LRP1B: variants seen among roughly 807,000 people sequenced by gnomAD.
The protein encoded by LRP1B is LDL receptor related protein 1B.
In LRP1B, 217 loss-of-function variants were observed where a neutral mutation model predicts 556.6. The observed-to-expected ratio is 0.39, with a 90% CI of 0.35 to 0.44. LRP1B has a LOEUF of 0.44. LRP1B is among the 20% of genes least tolerant of loss of function. The pLI is 1.00. For synonymous variants in LRP1B, 2,047 were observed against 1,865.8 expected (o/e 1.10, Z -2.50); for missense variants, 5,053 against 5,620.8 (o/e 0.90, Z 3.23).
intron 2 of LRP1B, among the ~76,000 whole-genome samples, chr2:141,685,112 T>A (rs1192699998): frequency 6.6e-6 from 1 of 152,050 alleles, no homozygotes; most frequent in East Asian, 1.9e-4. Context: ...TTTCCTTTTG[T>A]TTTCTTCCTC....
At chr2:140,491,398 C>A (rs888425629) in intron 57 of LRP1B, among the ~76,000 whole-genome samples, 3 of 151,388 alleles carry the variant, frequency 2.0e-5, no homozygotes, top group Non-Finnish European at 4.4e-5. Flanking sequence ...TATACACAAC[C>A]TAGTGAAAAA....
chr2:140,742,074 A>G (rs1414357987), intron 35 of LRP1B, among the ~76,000 whole-genome samples: 1 of 152,232 alleles, frequency 6.6e-6, no homozygotes, highest in East Asian at 1.9e-4. Flanking sequence ...CTAAAATAAA[A>G]TTAATCTCTG....
At chr2:141,205,014 C>T (rs762992879) in intron 6 of LRP1B, among the ~76,000 whole-genome samples, 1 of 151,998 alleles carries the variant, frequency 6.6e-6, no homozygotes. Flanking sequence ...TAGCTCAATG[C>T]CTATCTTAGG....
intron 21 of LRP1B, among the ~76,000 whole-genome samples, chr2:140,916,187 T>C (rs879830494): frequency 6.6e-6 from 1 of 152,160 alleles, no homozygotes; most frequent in African/African-American, 2.4e-5. Context: ...AAGTATTCCA[T>C]AGGGCTGGTT....
intron 1 of LRP1B, among the ~76,000 whole-genome samples, chr2:141,837,016 C>G (rs892503744): frequency 6.6e-6 from 1 of 151,868 alleles, no homozygotes; most frequent in Admixed American, 6.6e-5. Context: ...TTTTCAACAA[C>G]TCCTTATTTT....
chr2:140,851,588 G>T (rs2105121031), intron 28 of LRP1B, 64 bp downstream of exon 28: 1 of 1,548,432 alleles, frequency 6.5e-7, no homozygotes, highest in Non-Finnish European at 8.7e-7. Context: ...AAATCTGAAT[G>T]CTAATATAAT....
intron 3 of LRP1B, among the ~76,000 whole-genome samples, chr2:141,272,068 C>G (rs958132361): frequency 2.0e-5 from 3 of 151,948 alleles, no homozygotes; most frequent in African/African-American, 7.2e-5. Context: ...CTTTCCTAAC[C>G]TGTCTTCTCT....
At chr2:141,957,383 T>TGGG (rs70994470) in intron 1 of LRP1B, among the ~76,000 whole-genome samples, 4 of 58,442 alleles carry the variant, frequency 6.8e-5, no homozygotes, top group African/African-American at 2.8e-4. Flanking sequence ...TTTGTGTGTG[T>TGGG]GGGGGGGGGG....
chr2:141,740,976 T>C (rs926774746), intron 2 of LRP1B, among the ~76,000 whole-genome samples: 23 of 152,178 alleles, frequency 1.5e-4, no homozygotes, highest in African/African-American at 3.9e-4. Context: ...GTGAGTTCAA[T>C]TGTTAAAATG....
At chr2:141,794,088 T>A (rs1345038209) in intron 2 of LRP1B, among the ~76,000 whole-genome samples, 1 of 151,960 alleles carries the variant, frequency 6.6e-6, no homozygotes, top group Non-Finnish European at 1.5e-5. Flanking sequence ...CAGCCTTTTT[T>A]AAATTCCCAT....
chr2:141,126,569 A>T (rs893685244), intron 7 of LRP1B, among the ~76,000 whole-genome samples: 1 of 151,938 alleles, frequency 6.6e-6, no homozygotes, highest in African/African-American at 2.4e-5. Flanking sequence ...TTCCTTACTC[A>T]GTCCCCAAAA....
In LRP1B at chr2:140,700,641, C is replaced by A; in HGVS notation, c.6428-20G>T. On this transcript the variant is annotated intron_variant, in intron 40 of 90. Transcript: ENST00000389484. The stretch of plus-strand genomic sequence containing the variant: ...TGGTCCCTAATGAAGAAAAATGATA[C>A]ACACATGCACATGTTTATGTTTTTC... 1 of 1,606,474 alleles carries A rather than the reference C, an allele frequency of 6.2e-7. No homozygotes were observed. Among genetic ancestry groups the A allele is most frequent in the Non-Finnish European group, 8.5e-7 (1 of 1,177,494 alleles).
intron 31 of LRP1B, among the ~76,000 whole-genome samples, chr2:140,836,432 A>C (rs1691905362): frequency 6.6e-6 from 1 of 152,208 alleles, no homozygotes; most frequent in Non-Finnish European, 1.5e-5. Flanking sequence ...AGAATGTTTT[A>C]TGTGTATGTG....
intron 43 of LRP1B, among the ~76,000 whole-genome samples, chr2:140,586,960 A>T (rs895456076): frequency 5.9e-5 from 9 of 152,250 alleles, no homozygotes; most frequent in Non-Finnish European, 1.0e-4. Context: ...AAATTTTTTT[A>T]AAAATAAAGG....
chr2:141,945,943 T>C (rs1700943186), intron 1 of LRP1B, among the ~76,000 whole-genome samples: 1 of 61,650 alleles, frequency 1.6e-5, no homozygotes, highest in South Asian at 4.6e-4. Flanking sequence ...TTTATTTATT[T>C]ATTTATTTAT....
At chr2:141,517,807 G>T (rs899877710) in intron 2 of LRP1B, among the ~76,000 whole-genome samples, 3 of 152,028 alleles carry the variant, frequency 2.0e-5, no homozygotes, top group South Asian at 2.1e-4. Context: ...GATATGACAG[G>T]AACTATTATA....
At chr2:140,725,851 C>G (rs1687575930) in intron 35 of LRP1B, among the ~76,000 whole-genome samples, 1 of 152,084 alleles carries the variant, frequency 6.6e-6, no homozygotes, top group Non-Finnish European at 1.5e-5. Flanking sequence ...TCTCCCCTTT[C>G]TGATTAGCCA....
intron 31 of LRP1B, among the ~76,000 whole-genome samples, chr2:140,836,078 C>T (rs1691893062): frequency 6.6e-6 from 1 of 152,088 alleles, no homozygotes; most frequent in South Asian, 2.1e-4. Context: ...CATTTATTTA[C>T]TCATTCCTCT....
rs540290365 is a variant in LRP1B at position 141,927,100 on chromosome 2, C to G, written c.83-116699G>C. ...AGGGTTCCATATGGCACCTTAAATA[C>G]TATGTGGCATATACTACATAATCAA... On this transcript the variant is annotated intron_variant, in intron 1 of 90. Transcript: ENST00000389484. 1.6e-4 allele frequency among the ~76,000 whole-genome samples: 25 copies of G among 152,232 alleles called. No individual in the cohort carries two copies. In the South Asian group the frequency reaches 4.3e-3, roughly 26 times the overall value.
Sources: allele counts gnomAD v4.1 joint callset (sites outside exome capture counted in the v4.1 genomes callset), GRCh38; gene constraint gnomAD v4.1.1; transcripts MANE v1.5; gene names NCBI Gene and HGNC (gene_info 2026-07-23, HGNC 2026-07-21).